The following ATAD2B variants were observed in gnomAD, a reference collection of about 807,000 sequenced individuals.
ATAD2B encodes the protein ATPase family AAA domain-containing protein 2B.
A neutral mutation model predicts 167.6 loss-of-function variants in ATAD2B; 40 were observed. The observed-to-expected ratio is 0.24, with a 90% CI of 0.19 to 0.31. The LOEUF (loss-of-function observed/expected upper bound fraction) is 0.31. Among genes scored for constraint, ATAD2B ranks in the 10% least tolerant of loss-of-function variants. The pLI is 1.00. For synonymous variants in ATAD2B, 579 were observed against 596.5 expected (o/e 0.97, Z 0.43); for missense variants, 1,242 against 1,757.2 (o/e 0.71, Z 5.24).
intron 1 of ATAD2B, among the ~76,000 whole-genome samples, chr2:23,900,337 G>T (rs1215825697): frequency 6.6e-6 from 1 of 152,078 alleles, no homozygotes; most frequent in East Asian, 1.9e-4. Flanking sequence ...AAAGCGCCGG[G>T]ATTACAAGCA....
At chr2:23,760,690 T>TTA (rs60333740) in intron 24 of ATAD2B, among the ~76,000 whole-genome samples, 56 of 118,314 alleles carry the variant, frequency 4.7e-4, no homozygotes, top group South Asian at 8.5e-4. Context: ...ATAAATAAAT[T>TTA]TATATATATA....
At chr2:23,707,605 A>T in the ATAD2B span, 4 of 152,372 alleles carry the variant, frequency 2.6e-5, no homozygotes, top group African/African-American at 9.6e-5. Context: ...GTGCCCAAGG[A>T]AGAAGAGTCT....
chr2:23,693,130 G>T, the ATAD2B span: 30 of 996,386 alleles, frequency 3.0e-5, no homozygotes, highest in African/African-American at 5.0e-4. Flanking sequence ...CAGGAAGGGG[G>T]CCTGCAGGGA....
chr2:23,769,712 GTTTTTTTTT>G (rs1266284550), intron 22 of ATAD2B, among the ~76,000 whole-genome samples: 1 of 128,046 alleles, frequency 7.8e-6, no homozygotes, highest in Admixed American at 7.8e-5. Flanking sequence ...CTCACTGTGG[GTTTTTTTTT>G]TTTTTTTTTT....
intron 27 of ATAD2B, among the ~76,000 whole-genome samples, chr2:23,753,302 A>G (rs1675571684): frequency 6.6e-6 from 1 of 152,186 alleles, no homozygotes; most frequent in Non-Finnish European, 1.5e-5. Flanking sequence ...TAAATCTTTA[A>G]TATACTAAAA....
intron 19 of ATAD2B, among the ~76,000 whole-genome samples, chr2:23,795,781 A>C (rs1682512260): frequency 1.3e-5 from 2 of 151,978 alleles, no homozygotes; most frequent in Admixed American, 1.3e-4. Flanking sequence ...CGGGAGGCTG[A>C]GACGGGAGAA....
intron 23 of ATAD2B, among the ~76,000 whole-genome samples, chr2:23,762,807 A>G (rs372722341): frequency 1.6e-4 from 24 of 152,222 alleles, no homozygotes; most frequent in East Asian, 1.2e-3. Flanking sequence ...TTATATTCCT[A>G]AGACTAATCA....
intron 13 of ATAD2B, among the ~76,000 whole-genome samples, chr2:23,838,896 C>T (rs1690437046): frequency 6.6e-6 from 1 of 152,084 alleles, no homozygotes; most frequent in African/African-American, 2.4e-5. Flanking sequence ...AGAGCAAGTG[C>T]TCCCACCTTA....
At position 23,926,832 on chromosome 2, in the gene ATAD2B, C is replaced by G; in HGVS notation, c.-62G>C. On this transcript the variant is annotated 5_prime_UTR_variant, in exon 1 of 28. Coordinates refer to ENST00000238789, the MANE Select transcript of ATAD2B (RefSeq NM_017552.4). ...GGAGAGCCGAGCAAGGCCGGCCCGC[C>G]GGCCGGTCAGTCAGGGCCAGCGGAG... is the stretch of plus-strand genomic sequence containing the variant. 6.9e-7 allele frequency: 1 copy of G among 1,448,738 alleles called. No individual in the cohort carries two copies. 89.7% of individuals were successfully genotyped at this position (1,448,738 alleles called of 1,614,324 possible). A position where few individuals can be genotyped will look rare whatever the true frequency, so the allele number is the denominator to read the frequency against.
intron 22 of ATAD2B, among the ~76,000 whole-genome samples, chr2:23,781,240 C>A (rs1238592089): frequency 6.6e-6 from 1 of 151,966 alleles, no homozygotes; most frequent in African/African-American, 2.4e-5. Context: ...ACAAGGCCAC[C>A]CTGTGCTCAT....
At chr2:23,729,750 A>C in the ATAD2B span, among the ~76,000 whole-genome samples, 1 of 152,346 alleles carries the variant, frequency 6.6e-6, no homozygotes, top group Middle Eastern at 3.4e-3. Flanking sequence ...AAAAGAATGA[A>C]GTAGCTATAT....
intron 22 of ATAD2B, among the ~76,000 whole-genome samples, chr2:23,773,628 T>C (rs1469092718): frequency 1.3e-5 from 2 of 152,226 alleles, no homozygotes; most frequent in Admixed American, 1.3e-4. Context: ...AGGTTTAAAA[T>C]TGTGTGGGAA....
the ATAD2B span, among the ~76,000 whole-genome samples, chr2:23,725,520 T>C: frequency 2.0e-5 from 3 of 152,214 alleles, no homozygotes; most frequent in Non-Finnish European, 4.4e-5. Context: ...ATATAACATA[T>C]GGCTGGAAGA....
intron 23 of ATAD2B, among the ~76,000 whole-genome samples, chr2:23,765,178 A>T (rs1485327533): frequency 6.6e-6 from 1 of 152,250 alleles, no homozygotes; most frequent in South Asian, 2.1e-4. Flanking sequence ...ACCAGAAAGT[A>T]AACTGATGAA....
At chr2:23,767,726 T>C (rs1454160354) in intron 22 of ATAD2B, among the ~76,000 whole-genome samples, 1 of 151,888 alleles carries the variant, frequency 6.6e-6, no homozygotes, top group African/African-American at 2.4e-5. Context: ...ACTGGGGTAA[T>C]GGTGGTGGTG....
intron 1 of ATAD2B, among the ~76,000 whole-genome samples, chr2:23,921,771 G>A (rs1287983933): frequency 1.3e-5 from 2 of 152,036 alleles, no homozygotes; most frequent in Non-Finnish European, 2.9e-5. Context: ...ACAATATATT[G>A]TACCTATATT....
chr2:23,871,332 C>T lies in ATAD2B; in HGVS notation c.978-1571G>A, dbSNP rs76100040. Among the ~76,000 whole-genome samples, 16 of 152,162 alleles carry T rather than the reference C, an allele frequency of 1.1e-4. No homozygotes were observed. The East Asian group carries it at 1.5e-3, about 15-fold the overall frequency. On this transcript the variant is annotated intron_variant, in intron 8 of 27. Transcript: ENST00000238789. The stretch of plus-strand genomic sequence containing the variant: ...ATGATCTTACCTCGGATCTTGTTAC[C>T]GCGTGAACTGCTCTCCACCTCTGCA...
At chr2:23,745,410 AAGGAAGG>A (rs1191767584), downstream of ATAD2B, among the ~76,000 whole-genome samples, 131 of 108,362 alleles carry the variant, frequency 1.2e-3, no homozygotes, top group Middle Eastern at 4.9e-3. Context: ...GGAAGGAAGG[AAGGAAGG>A]AAGGAAAGGG....
chr2:23,882,447 C>G (rs944822815), intron 6 of ATAD2B, among the ~76,000 whole-genome samples: 2 of 148,682 alleles, frequency 1.3e-5, no homozygotes, highest in Non-Finnish European at 3.0e-5. Flanking sequence ...CCACCCGCCT[C>G]AGCCTCCGAA....
Sources: allele counts gnomAD v4.1 joint callset (sites outside exome capture counted in the v4.1 genomes callset), GRCh38; gene constraint gnomAD v4.1.1; transcripts MANE v1.5; gene names NCBI Gene and HGNC (gene_info 2026-07-23, HGNC 2026-07-21).